The following ATP8A2 variants were observed in gnomAD, a reference collection of about 807,000 sequenced individuals.
The protein encoded by ATP8A2 is ATPase phospholipid transporting 8A2.
Under a neutral mutation model 165.6 loss-of-function variants are expected in ATP8A2, and 100 were observed. That is an observed-to-expected ratio of 0.60 (90% confidence interval 0.51 to 0.71). The LOEUF (loss-of-function observed/expected upper bound fraction) is 0.71, where lower values mean the gene tolerates loss of function less well. Among genes scored for constraint, ATP8A2 ranks in the 30% least tolerant of loss-of-function variants. ATP8A2 has a pLI of 0.00. For missense variants in ATP8A2, 1,227 were observed against 1,479.5 expected (o/e 0.83, Z 2.80); for synonymous variants, 543 against 548.8 (o/e 0.99, Z 0.15).
rs192106618 is a variant in ATP8A2, at chr13:25,442,272, T to C, written c.77-26705T>C. On this transcript the variant is annotated intron_variant, in intron 1 of 36. Coordinates refer to ENST00000381655, the MANE Select transcript of ATP8A2 (RefSeq NM_016529.6). The stretch of plus-strand genomic sequence containing the variant: ...GGTACATATATACTCAGAAGTGAAA[T>C]TGCTGGATCAGAAGATAACTCTACT... Among the ~76,000 whole-genome samples the C allele has an allele frequency of 5.7e-4, 87 of 152,262 alleles. 1 individual carries two copies. The highest frequency in any genetic ancestry group is 2.1e-3 in the African/African-American group (86 of 41,552).
intron 24 of ATP8A2, among the ~76,000 whole-genome samples, chr13:25,689,938 G>C (rs1463253429): frequency 6.6e-6 from 1 of 152,162 alleles, no homozygotes; most frequent in Non-Finnish European, 1.5e-5. Context: ...CCACAGTCAA[G>C]TAGTAAATGC....
intron 35 of ATP8A2, among the ~76,000 whole-genome samples, chr13:25,994,992 A>G (rs891823381): frequency 6.6e-6 from 1 of 152,086 alleles, no homozygotes; most frequent in African/African-American, 2.4e-5. Flanking sequence ...GTGAGGCCAT[A>G]TAAATTCAAT....
chr13:25,377,782 ACTCT>A (rs1326305282), intron 1 of ATP8A2, among the ~76,000 whole-genome samples: 37 of 151,900 alleles, frequency 2.4e-4, no homozygotes, highest in African/African-American at 8.2e-4. Flanking sequence ...ACAGGGTGAG[ACTCT>A]CTCTCTAACA....
chr13:25,555,018 G>T lies in ATP8A2; in HGVS notation c.1213G>T (p.Asp405Tyr). 6.2e-7 allele frequency: 1 copy of T among 1,612,172 alleles called. No individual in the cohort carries two copies. Among genetic ancestry groups the T allele is most frequent in the Non-Finnish European group, 8.5e-7 (1 of 1,178,534 alleles). Residue 405 changes from aspartate (D) to tyrosine (Y), a missense_variant, in exon 13 of 37, where the codon GAC (aspartate) becomes TAC (tyrosine). By Grantham distance (160) the Asp-to-Tyr change is radical. Coordinates refer to ENST00000381655, the MANE Select transcript of ATP8A2 (RefSeq NM_016529.6). ...CACAGATATGTATTATATAGGAAAT[G>T]ACACTCCTGCCATGGCCAGGACATC... ...WDTDMYYIGN[D>Y]TPAMARTSNL...
chr13:25,934,563 G>A (rs1299960093), intron 33 of ATP8A2, among the ~76,000 whole-genome samples: 1 of 152,194 alleles, frequency 6.6e-6, no homozygotes, highest in Non-Finnish European at 1.5e-5. Context: ...GAAGGATAAC[G>A]CTCTTGTGGT....
intron 1 of ATP8A2, among the ~76,000 whole-genome samples, chr13:25,384,806 G>A (rs931941763): frequency 6.6e-6 from 1 of 151,122 alleles, no homozygotes; most frequent in East Asian, 1.9e-4. Context: ...CTTTTTCTTG[G>A]TGTTCATGAA....
chr13:25,619,500 G>T (rs2040914340), intron 24 of ATP8A2, among the ~76,000 whole-genome samples: 2 of 152,044 alleles, frequency 1.3e-5, no homozygotes, highest in Admixed American at 1.3e-4. Context: ...CGAATAACCA[G>T]ATATAGAATA....
intron 33 of ATP8A2, among the ~76,000 whole-genome samples, chr13:25,914,338 T>C (rs918057148): frequency 2.8e-4 from 42 of 152,336 alleles, no homozygotes; most frequent in Admixed American, 1.4e-3. Context: ...CTTACCTCTT[T>C]CTTAAGTGCC....
intron 33 of ATP8A2, among the ~76,000 whole-genome samples, chr13:25,926,476 A>G (rs1295490186): frequency 6.6e-6 from 1 of 152,196 alleles, no homozygotes; most frequent in Non-Finnish European, 1.5e-5. Flanking sequence ...TTTCCAATAC[A>G]TGGACGGGGA....
intron 24 of ATP8A2, among the ~76,000 whole-genome samples, chr13:25,617,244 A>G (rs2040849881): frequency 6.6e-6 from 1 of 151,872 alleles, no homozygotes. Flanking sequence ...TTTGACTATA[A>G]TCATACAGTT....
chr13:25,701,493 T>C (rs9511881), intron 25 of ATP8A2, among the ~76,000 whole-genome samples: 36,890 of 152,014 alleles, frequency 0.24, 4,928 homozygotes, highest in South Asian at 0.45. Flanking sequence ...CACTTCTGCC[T>C]GCCACTGCCC....
At chr13:25,717,230 G>A (rs1002237619) in intron 25 of ATP8A2, among the ~76,000 whole-genome samples, 1 of 151,972 alleles carries the variant, frequency 6.6e-6, no homozygotes, top group Non-Finnish European at 1.5e-5. Flanking sequence ...ATTTGAGGGT[G>A]GTCTAGATGT....
intron 25 of ATP8A2, among the ~76,000 whole-genome samples, chr13:25,704,839 T>G (rs910121056): frequency 6.6e-6 from 1 of 152,000 alleles, no homozygotes; most frequent in Non-Finnish European, 1.5e-5. Context: ...CAGCTAGGAG[T>G]GGAAGAGATA....
intron 33 of ATP8A2, among the ~76,000 whole-genome samples, chr13:25,921,160 C>T (rs1364890397): frequency 6.6e-6 from 1 of 152,180 alleles, no homozygotes; most frequent in African/African-American, 2.4e-5. Context: ...TCCTCTTTTC[C>T]TCACTCCCAT....
chr13:25,683,156 T>G (rs2042529828), intron 24 of ATP8A2, among the ~76,000 whole-genome samples: 2 of 151,162 alleles, frequency 1.3e-5, no homozygotes, highest in Non-Finnish European at 2.9e-5. Context: ...TTAGTAATGG[T>G]GTATAGGATG....
chr13:25,579,130 C>G (rs1359724127), intron 21 of ATP8A2, among the ~76,000 whole-genome samples: 4 of 152,194 alleles, frequency 2.6e-5, no homozygotes, highest in African/African-American at 9.7e-5. Flanking sequence ...GTAGAATCAC[C>G]TTTAGTTACT....
chr13:25,769,343 T>C, intron 26 of ATP8A2, 114 bp downstream of exon 26: 2 of 1,063,872 alleles, frequency 1.9e-6, no homozygotes, highest in Non-Finnish European at 2.7e-6. Context: ...CCTCTTGAGG[T>C]TGCTGTCTAG....
chr13:25,848,143 G>A (rs1474820099), intron 30 of ATP8A2, among the ~76,000 whole-genome samples: 1 of 152,220 alleles, frequency 6.6e-6, no homozygotes, highest in Non-Finnish European at 1.5e-5. Context: ...CAGGCATGCT[G>A]TGCCTCCTGC....
At chr13:25,470,822 G>A (rs2035821671) in intron 2 of ATP8A2, among the ~76,000 whole-genome samples, 2 of 152,186 alleles carry the variant, frequency 1.3e-5, no homozygotes, top group African/African-American at 4.8e-5. Context: ...ACATGGATGA[G>A]ACTTGAAAGC....
Sources: gnomAD v4.1 joint callset for allele counts (sites outside exome capture counted in the v4.1 genomes callset) on GRCh38, gnomAD v4.1.1 for gene constraint, MANE v1.5 for transcripts, NCBI Gene and HGNC (gene_info 2026-07-23, HGNC 2026-07-21) for gene names.